The following ZC3H14 variants were observed in gnomAD, a reference collection of about 807,000 sequenced individuals.
The protein encoded by ZC3H14 is zinc finger CCCH-type containing 14, also known as zinc finger CCCH domain-containing protein 14.
Under a neutral mutation model 92.4 loss-of-function variants are expected in ZC3H14, and 31 were observed. That is an observed-to-expected ratio of 0.34 (90% CI 0.25 to 0.45). The LOEUF is 0.45. Ranked by LOEUF, ZC3H14 falls within the 20% of genes least tolerant of loss-of-function variation. The pLI, the probability that ZC3H14 is intolerant of heterozygous loss-of-function variation, is 1.00. For synonymous variants in ZC3H14, 321 were observed against 300.9 expected (o/e 1.07, Z -0.69); for missense variants, 781 against 897.3 (o/e 0.87, Z 1.66).
Position 88,568,106 on chromosome 14 carries a change from G to A in ZC3H14, c.147G>A (p.Glu49=). The change falls in exon 3 of 17, where the codon GAG becomes GAA. Residue 49 remains glutamate, a synonymous_variant. Coordinates refer to ENST00000251038, the MANE Select transcript of ZC3H14 (RefSeq NM_024824.5). ...AGAAAAGTCAGGACCAAATGACAGAGGATCTGTCCCTGTTTCTAGGGAACA... is the reference window on the plus strand; with the variant it reads ...AGAAAAGTCAGGACCAAATGACAGAAGATCTGTCCCTGTTTCTAGGGAACA... The part of the protein sequence containing the change: ...ANKKSQDQMT[E]DLSLFLGNNT... 6.2e-7 allele frequency: 1 copy of A among 1,614,150 alleles called. No individual in the cohort carries two copies. The highest frequency in any genetic ancestry group is 2.2e-5 in the East Asian group (1 of 44,882).
At chr14:88,576,120 C>G (rs1328189679) in intron 8 of ZC3H14, among the ~76,000 whole-genome samples, 180 bp downstream of exon 8, 1 of 152,154 alleles carries the variant, frequency 6.6e-6, no homozygotes, top group Non-Finnish European at 1.5e-5. Flanking sequence ...GAAACTTCGC[C>G]AACTGTTATT....
intron 12 of ZC3H14, among the ~76,000 whole-genome samples, chr14:88,604,937 C>T (rs936353785): frequency 6.6e-6 from 1 of 152,186 alleles, no homozygotes; most frequent in Admixed American, 6.5e-5. Context: ...AAAATTTGAA[C>T]AGAAAGTTTT....
At chr14:88,567,229 C>T (rs888899741) in intron 2 of ZC3H14, among the ~76,000 whole-genome samples, 13 of 151,232 alleles carry the variant, frequency 8.6e-5, no homozygotes, top group African/African-American at 1.5e-4. Flanking sequence ...CATTCTCCTG[C>T]CTCGGCCTCC....
rs750897466 is a variant in ZC3H14, at chr14:88,616,175, C to T, written c.*4424C>T. 4.5e-5 allele frequency: 72 copies of T among 1,613,714 alleles called. No individual in the cohort carries two copies. The highest frequency in any genetic ancestry group is 5.8e-5 in the Non-Finnish European group (69 of 1,179,810). On this transcript the variant is annotated 3_prime_UTR_variant, in exon 17 of 17. Coordinates refer to ENST00000251038, the MANE Select transcript of ZC3H14 (RefSeq NM_024824.5). ...ATCACCTCCAGCACTAACAACATGT[C>T]GATCACCACTGGTAAATCGAATATT...
intron 13 of ZC3H14, chr14:88,608,284 A>G (rs2085937930): frequency 2.1e-6 from 1 of 483,524 alleles, no homozygotes; most frequent in Admixed American, 2.1e-5. Context: ...GCAAGTGAAT[A>G]CCATCCCCCA....
chr14:88,621,392 C>CA lies in ZC3H14; in HGVS notation c.*9642dup. Reference sequence around the variant, plus strand: ...AAAAATGACCCTATTGACCTGCTTTCAGAGAACTTTTTGCTTTGAGCTAAT... The same window carrying CA: ...AAAAATGACCCTATTGACCTGCTTTCAAGAGAACTTTTTGCTTTGAGCTAAT... On this transcript the variant is annotated 3_prime_UTR_variant, in exon 17 of 17. Coordinates refer to ENST00000251038, the MANE Select transcript of ZC3H14 (RefSeq NM_024824.5). 6.6e-7 allele frequency: 1 copy of CA among 1,519,718 alleles called. No individual in the cohort carries two copies. The highest frequency in any genetic ancestry group is 1.4e-5 in the African/African-American group (1 of 72,850). The allele number at this position is 1,519,718 out of a possible 1,614,324, so 94.1% of individuals were successfully genotyped here. A position where few individuals can be genotyped will look rare whatever the true frequency, so the allele number is the denominator to read the frequency against.
chr14:88,622,692 A>T lies in ZC3H14; in HGVS notation c.*10941A>T. The T allele has an allele frequency of 2.5e-6, 4 of 1,608,830 alleles. No homozygotes were observed. The highest frequency in any genetic ancestry group is 3.4e-6 in the Non-Finnish European group (4 of 1,177,476). ...GCACCGCCTCAGTTCCTGATCCCAC[A>T]GTTTAACCGCTCCTCCTTCTTTTGA... On this transcript the variant is annotated 3_prime_UTR_variant, in exon 17 of 17. Transcript: ENST00000251038.
Position 88,626,376 on chromosome 14 carries a change from CT to C in ZC3H14, c.*14628del, listed in dbSNP as rs1242017662. 1.9e-5 allele frequency: 3 copies of C among 158,982 alleles called. No homozygotes were observed. The highest frequency in any genetic ancestry group is 7.2e-5 in the African/African-American group (3 of 41,604). The allele number at this position is 158,982 out of a possible 1,614,324, so 9.8% of individuals were successfully genotyped here. A position where few individuals can be genotyped will look rare whatever the true frequency, so the allele number is the denominator to read the frequency against. ...GTGGCTCATGCCTGTAAACCCAGCA[CT>C]TTGGGAGGTCAAGATGGGAGGATCA... On this transcript the variant is annotated 3_prime_UTR_variant, in exon 17 of 17. Coordinates refer to ENST00000251038, the MANE Select transcript of ZC3H14 (RefSeq NM_024824.5).
Position 88,572,780 on chromosome 14 carries a change from A to G in ZC3H14, c.634A>G (p.Ile212Val), listed in dbSNP as rs369352459. 51 of 1,614,208 alleles carry G rather than the reference A, an allele frequency of 3.2e-5. No homozygotes were observed. The highest frequency in any genetic ancestry group is 2.9e-4 in the East Asian group (13 of 44,870). Residue 212 changes from isoleucine (I) to valine (V), a missense_variant, in exon 6 of 17, where the codon ATT becomes GTT. Ile to Val is a conservative substitution (Grantham distance 29). Transcript: ENST00000251038. ...TACATATGGTTCTTCTCGCCCTTCT[A>G]TTGAAATTTATCGACCACCTGCAAG... ...TLTYGSSRPS[I>V]EIYRPPASRN... is the part of the protein sequence containing the mutation.
At position 88,616,137 on chromosome 14, in the gene ZC3H14, C is replaced by T; in HGVS notation, c.*4386C>T. 6.2e-7 allele frequency: 1 copy of T among 1,613,614 alleles called. No homozygotes were observed. The highest frequency in any genetic ancestry group is 8.5e-7 in the Non-Finnish European group (1 of 1,179,594). The stretch of plus-strand genomic sequence containing the variant: ...TGCTCTTCATGGGCTGAGAAAGTTA[C>T]TAACCTGCAGTCATCACCTCCAGCA... On this transcript the variant is annotated 3_prime_UTR_variant, in exon 17 of 17. Transcript: ENST00000251038.
intron 10 of ZC3H14, among the ~76,000 whole-genome samples, chr14:88,598,450 GTTTA>G (rs1394090580): frequency 6.6e-6 from 1 of 152,126 alleles, no homozygotes; most frequent in Non-Finnish European, 1.5e-5. Flanking sequence ...ATTATGTAAT[GTTTA>G]TTTAACCCTC....
chr14:88,588,424 A>G (rs1224361215), intron 9 of ZC3H14, among the ~76,000 whole-genome samples: 1 of 152,248 alleles, frequency 6.6e-6, no homozygotes, highest in East Asian at 1.9e-4. Context: ...GACTAGGTAC[A>G]GAATTATAGG....
chr14:88,579,768 G>A (rs896706991), intron 9 of ZC3H14, among the ~76,000 whole-genome samples: 23 of 152,096 alleles, frequency 1.5e-4, no homozygotes, highest in African/African-American at 5.3e-4. Context: ...GTCCTGTGCC[G>A]AATTAAAAGA....
At chr14:88,578,451 T>C (rs1474667295) in intron 9 of ZC3H14, among the ~76,000 whole-genome samples, 1 of 152,160 alleles carries the variant, frequency 6.6e-6, no homozygotes, top group East Asian at 1.9e-4. Context: ...CAGCCCTTTC[T>C]AGAAATTTTT....
At chr14:88,585,680 A>G (rs1167643262) in intron 9 of ZC3H14, among the ~76,000 whole-genome samples, 3 of 152,088 alleles carry the variant, frequency 2.0e-5, no homozygotes, top group East Asian at 3.9e-4. Context: ...GTGAGCCACC[A>G]TGCTTGGCCT....
intron 10 of ZC3H14, 75 bp downstream of exon 10, chr14:88,596,883 G>GT (rs2083907508): frequency 1.9e-5 from 24 of 1,232,976 alleles, no homozygotes; most frequent in African/African-American, 2.9e-5. Flanking sequence ...CCCATTTAAC[G>GT]TATCTCGGAT....
intron 9 of ZC3H14, among the ~76,000 whole-genome samples, chr14:88,584,382 T>C (rs1411689248): frequency 6.6e-6 from 1 of 152,188 alleles, no homozygotes; most frequent in African/African-American, 2.4e-5. Context: ...CATGAACACA[T>C]AAAATATATG....
In ZC3H14 at chr14:88,610,939, A is replaced by G. The variant is rs751502844; in HGVS notation, c.2203A>G (p.Ser735Gly). ...HALKWIRPQT[S>G]E ...CTTGAAATGGATTCGACCTCAAACC[A>G]GGTAAACATTCAAATTCGTTTTTCT... The change falls in exon 16 of 17, where the codon AGC becomes GGC. Residue 735 changes from serine (S) to glycine (G), a missense_variant and splice_region_variant. Transcript: ENST00000251038. The G allele has an allele frequency of 3.1e-6, 5 of 1,613,690 alleles. No homozygotes were observed. In the South Asian group the frequency reaches 4.4e-5, roughly 14 times the overall value.
At position 88,578,089 on chromosome 14, in the gene ZC3H14, C is replaced by G. The variant is rs1396348907; in HGVS notation, c.1228C>G (p.Pro410Ala). ...ACAAAGTAGGACCCCCAGAATAAGT[C>G]CCCCCATTAAAGAAGAGGAAACAAA... Reference protein sequence around the residue: ...QGQSRTPRISPPIKEEETKGD... With the variant: ...QGQSRTPRISAPIKEEETKGD... Residue 410 changes from proline to alanine, a missense_variant, in exon 9 of 17, where the codon CCC (proline) becomes GCC (alanine). By Grantham distance (27) the Pro-to-Ala change is conservative. Around this residue, in one of 3 missense-constraint regions of ZC3H14, gnomAD observed 454 missense variants for 438.5 expected, o/e 1.04. Transcript: ENST00000251038. 1.2e-6 allele frequency: 2 copies of G among 1,613,810 alleles called. No homozygotes were observed. Among genetic ancestry groups the G allele is most frequent in the Non-Finnish European group, 1.7e-6 (2 of 1,180,004 alleles).
Sources: gnomAD v4.1 joint callset for allele counts (sites outside exome capture counted in the v4.1 genomes callset) on GRCh38, gnomAD v4.1.1 for gene constraint, gnomAD v4.1.1 regional missense constraint, MANE v1.5 for transcripts, NCBI Gene and HGNC (gene_info 2026-07-23, HGNC 2026-07-21) for gene names.